GNG7: variants seen among roughly 807,000 people sequenced by gnomAD.
The protein encoded by GNG7 is G protein subunit gamma 7.
In GNG7, 1 loss-of-function variant was observed where a neutral mutation model predicts 4.0. The observed-to-expected ratio is 0.25, with a 90% CI of 0.09 to 1.18. The LOEUF (loss-of-function observed/expected upper bound fraction) is 1.18, where lower values mean the gene tolerates loss of function less well. GNG7 is among the 50% of genes most tolerant of loss of function. The pLI is 0.50. For synonymous variants in GNG7, 34 were observed against 36.9 expected (o/e 0.92, Z 0.29); for missense variants, 86 against 91.9 (o/e 0.94, Z 0.26).
chr19:2,563,889 C>T (rs1158450820), intron 2 of GNG7, among the ~76,000 whole-genome samples: 1 of 151,868 alleles, frequency 6.6e-6, no homozygotes, highest in African/African-American at 2.4e-5. Context: ...TTCCTTGGTC[C>T]AGAGAGGATT....
intron 1 of GNG7, among the ~76,000 whole-genome samples, chr19:2,660,087 C>T (rs1409098045): frequency 6.6e-6 from 1 of 152,138 alleles, no homozygotes; most frequent in East Asian, 1.9e-4. Context: ...TCATGGAATC[C>T]GTCCCAATTA....
intron 1 of GNG7, among the ~76,000 whole-genome samples, chr19:2,680,880 C>T (rs1983714556): frequency 6.6e-6 from 1 of 152,040 alleles, no homozygotes; most frequent in East Asian, 1.9e-4. Flanking sequence ...TCACAGCTCA[C>T]TGCAACCTTC....
chr19:2,513,603 A>G lies in GNG7; in HGVS notation c.*1419T>C. On this transcript the variant is annotated 3_prime_UTR_variant, in exon 5 of 5. Transcript: ENST00000382159. The stretch of plus-strand genomic sequence containing the variant: ...TCTAAGGCATCTCCCGGCCTCAGAC[A>G]GCCGTCCTGGGTTGCACGGGGGTGG... 2.0e-6 allele frequency: 2 copies of G among 985,284 alleles called. No individual in the cohort carries two copies. The highest frequency in any genetic ancestry group is 2.4e-6 in the Non-Finnish European group (2 of 829,782). The allele number at this position is 985,284 out of a possible 1,614,324, so 61.0% of individuals were successfully genotyped here.
intron 2 of GNG7, among the ~76,000 whole-genome samples, chr19:2,624,930 C>A (rs1379109635): frequency 6.6e-6 from 1 of 152,206 alleles, no homozygotes; most frequent in East Asian, 1.9e-4. Flanking sequence ...CAGCTCAGGG[C>A]ACAGAAGCCA....
chr19:2,612,416 A>G (rs1473687547), intron 2 of GNG7, among the ~76,000 whole-genome samples: 1 of 152,014 alleles, frequency 6.6e-6, no homozygotes, highest in Non-Finnish European at 1.5e-5. Context: ...AGCAGCCTGC[A>G]AAGAAGGTGT....
rs1156964248 is a variant in GNG7, at chr19:2,626,947, G to A, written c.-78+19277C>T. The stretch of plus-strand genomic sequence containing the variant: ...GGGAGAGACCTGCTTTAATTATTTG[G>A]GAATAAACTGAGTGTCCTCCCTACT... On this transcript the variant is annotated intron_variant, in intron 2 of 4. Coordinates refer to ENST00000382159, the MANE Select transcript of GNG7 (RefSeq NM_052847.3). This position sits in a 1 kb window ranked among gnomAD's most constrained non-coding sequence, Gnocchi z 5.0. Among the ~76,000 whole-genome samples, 3 of 151,760 alleles carry A rather than the reference G, an allele frequency of 2.0e-5. No homozygotes were observed. The highest frequency in any genetic ancestry group is 7.3e-5 in the African/African-American group (3 of 41,272).
At chr19:2,559,571 A>T (rs1307152432) in intron 2 of GNG7, among the ~76,000 whole-genome samples, 1 of 151,788 alleles carries the variant, frequency 6.6e-6, no homozygotes, top group Non-Finnish European at 1.5e-5. Flanking sequence ...GCTGGAGTAC[A>T]ATGGTGGATG....
chr19:2,676,502 G>A (rs780614675), intron 1 of GNG7, among the ~76,000 whole-genome samples: 1 of 152,026 alleles, frequency 6.6e-6, no homozygotes, highest in African/African-American at 2.4e-5. Flanking sequence ...AACCTCCACC[G>A]CCTGGCTCAA....
At chr19:2,695,793 G>A (rs548917957) in intron 1 of GNG7, among the ~76,000 whole-genome samples, 5 of 152,228 alleles carry the variant, frequency 3.3e-5, no homozygotes, top group East Asian at 1.9e-4. Context: ...AGGCTGATTC[G>A]TCACCTCGGA....
intron 2 of GNG7, among the ~76,000 whole-genome samples, chr19:2,639,918 G>A (rs1370599389): frequency 1.3e-5 from 1 of 78,760 alleles, no homozygotes; most frequent in Non-Finnish European, 2.6e-5. Flanking sequence ...AGAAAGGAAG[G>A]AGGGAGTGAA....
chr19:2,513,495 G>A lies in GNG7; in HGVS notation c.*1527C>T, dbSNP rs370225176. ...TCCCGTCCGTGCCGCAGAGGAGGAC[G>A]CAGTCATCTTTCAGAAGCCTCCCCC... On this transcript the variant is annotated 3_prime_UTR_variant, in exon 5 of 5. Coordinates refer to ENST00000382159, the MANE Select transcript of GNG7 (RefSeq NM_052847.3). 1.8e-5 allele frequency: 18 copies of A among 984,922 alleles called. No individual in the cohort carries two copies. In the African/African-American group the frequency reaches 2.8e-4, roughly 15 times the overall value. The allele number at this position is 984,922 out of a possible 1,614,324, so 61.0% of individuals were successfully genotyped here.
chr19:2,697,009 T>A (rs1334763303), intron 1 of GNG7, among the ~76,000 whole-genome samples: 1 of 147,276 alleles, frequency 6.8e-6, no homozygotes, highest in Non-Finnish European at 1.5e-5. Flanking sequence ...CCCGGCTAAT[T>A]TTTGTATTTT....
In GNG7 at chr19:2,652,999, A is replaced by G. The variant is rs200050584; in HGVS notation, c.-134-6719T>C. 5.9e-5 allele frequency among the ~76,000 whole-genome samples: 9 copies of G among 151,974 alleles called. No individual in the cohort carries two copies. In the East Asian group the frequency reaches 1.5e-3, roughly 26 times the overall value. On this transcript the variant is annotated intron_variant, in intron 1 of 4. Transcript: ENST00000382159. ...AAAATTTGCTGGGCATGGTGGCTCC[A>G]GGGATCACGTGAGCCCAGAAGGCAG...
chr19:2,538,469 A>C, intron 3 of GNG7: 1 of 349,332 alleles, frequency 2.9e-6, no homozygotes, highest in Admixed American at 4.0e-5. Context: ...GCAAAAAAAA[A>C]AAAAAAAAAA....
chr19:2,520,590 G>A lies in GNG7; in HGVS notation c.81+18C>T. 1 of 1,466,306 alleles carries A rather than the reference G, an allele frequency of 6.8e-7. No individual in the cohort carries two copies. Among genetic ancestry groups the A allele is most frequent in the Non-Finnish European group, 9.4e-7 (1 of 1,069,064 alleles). 90.8% of individuals were successfully genotyped at this position (1,466,306 alleles called of 1,614,324 possible). A position where few individuals can be genotyped will look rare whatever the true frequency, so the allele number is the denominator to read the frequency against. On this transcript the variant is annotated intron_variant, in intron 4 of 4. Coordinates refer to ENST00000382159, the MANE Select transcript of GNG7 (RefSeq NM_052847.3). The stretch of plus-strand genomic sequence containing the variant: ...CAAGGGTCTCTCCCCTCCTCTTCCT[G>A]ATGCCCGCTGGGCTCACCTTGATGC...
At chr19:2,598,677 AAATAATAATAATAATAATAATAAT>A (rs56068932) in intron 2 of GNG7, among the ~76,000 whole-genome samples, 10 of 141,008 alleles carry the variant, frequency 7.1e-5, no homozygotes, top group East Asian at 2.1e-4. Context: ...AAAAGTAATA[AAATAATAATAATAATAATAATAAT>A]AATAATAATA....
At position 2,512,290 on chromosome 19, in the gene GNG7, G is replaced by A. The variant is rs911955865; in HGVS notation, c.*2732C>T. Reference sequence around the variant, plus strand: ...GAAAAGCACATGTGGCGGTCGGTGTGTGCACTCGGGTGCCACGTCTGCAAA... The same window carrying A: ...GAAAAGCACATGTGGCGGTCGGTGTATGCACTCGGGTGCCACGTCTGCAAA... On this transcript the variant is annotated 3_prime_UTR_variant, in exon 5 of 5. Transcript: ENST00000382159. The surrounding 1 kb of genome is among the most constrained non-coding windows in gnomAD (Gnocchi z 4.7). 1.2e-5 allele frequency: 12 copies of A among 985,678 alleles called. No individual in the cohort carries two copies. In the Admixed American group the frequency reaches 4.9e-4, roughly 40 times the overall value. The allele number at this position is 985,678 out of a possible 1,614,324, so 61.1% of individuals were successfully genotyped here.
At chr19:2,590,143 G>A (rs527790582) in intron 2 of GNG7, among the ~76,000 whole-genome samples, 97 of 152,220 alleles carry the variant, frequency 6.4e-4, no homozygotes, top group African/African-American at 2.2e-3. Flanking sequence ...TCTCAATAAA[G>A]CTGTTAGGAA....
At chr19:2,534,871 T>C (rs1376216895) in intron 3 of GNG7, among the ~76,000 whole-genome samples, 2 of 152,196 alleles carry the variant, frequency 1.3e-5, no homozygotes, top group African/African-American at 2.4e-5. Context: ...AATTATCTCT[T>C]ACTTAGCATT....
Sources: allele counts gnomAD v4.1 joint callset (sites outside exome capture counted in the v4.1 genomes callset), GRCh38; gene constraint gnomAD v4.1.1; non-coding constraint Gnocchi (gnomAD v3.1); transcripts MANE v1.5; gene names NCBI Gene and HGNC (gene_info 2026-07-23, HGNC 2026-07-21).